The following LSM14B variants were observed in gnomAD, a reference collection of about 807,000 sequenced individuals.
LSM14B encodes the protein LSM family member 14B.
A neutral mutation model predicts 42.1 loss-of-function variants in LSM14B; 8 were observed. The observed-to-expected ratio is 0.19, with a 90% confidence interval of 0.11 to 0.34. LSM14B has a LOEUF of 0.34. LSM14B is among the 10% of genes least tolerant of loss of function. The pLI, the probability that LSM14B is intolerant of heterozygous loss-of-function variation, is 1.00. For missense variants in LSM14B, 396 were observed against 513.1 expected, an observed-to-expected ratio of 0.77 and a Z score of 2.21; for synonymous variants, 219 against 209.7, an observed-to-expected ratio of 1.04 and a Z score of -0.38.
At chr20:62,124,531 C>G in intron 1 of LSM14B, 86 bp from the exon 2 acceptor site, 3 of 1,471,724 alleles carry the variant, frequency 2.0e-6, no homozygotes, top group Non-Finnish European at 2.8e-6. Flanking sequence ...GTGTCGCCGT[C>G]TTTTGGAAGG....
intron 3 of LSM14B, among the ~76,000 whole-genome samples, chr20:62,126,730 G>A (rs1358492115): frequency 6.6e-6 from 1 of 152,146 alleles, no homozygotes; most frequent in African/African-American, 2.4e-5. Flanking sequence ...CAGGCATAGT[G>A]GCTCACTCCT....
At chr20:62,124,907 C>T (rs1451882714) in intron 2 of LSM14B, 127 bp downstream of exon 2, 6 of 1,036,862 alleles carry the variant, frequency 5.8e-6, no homozygotes, top group South Asian at 3.6e-5. Context: ...TTTGAGGCAG[C>T]GTCTCGCTGT....
rs80174848 is a variant in LSM14B, at chr20:62,124,130, C to T, written c.128-487C>T. Among the ~76,000 whole-genome samples, 1,272 of 152,330 alleles carry T rather than the reference C, an allele frequency of 8.4e-3. 18 individuals are homozygous for T. The highest frequency in any genetic ancestry group is 0.028 in the African/African-American group (1,165 of 41,564). ...CTGGGACCCTGTCTCCCTTTGTTTT[C>T]TGTTACAGCTGTTCCAAGGTTTGTT... On this transcript the variant is annotated intron_variant, in intron 1 of 8. Coordinates refer to ENST00000279068, the MANE Select transcript of LSM14B (RefSeq NM_144703.3).
At chr20:62,127,631 C>T in intron 3 of LSM14B, 1 of 1,551,248 alleles carries the variant, frequency 6.4e-7, no homozygotes, top group Non-Finnish European at 8.7e-7. Flanking sequence ...CCAGCCCTAG[C>T]TCTTCTCCAT....
Position 62,130,287 on chromosome 20 carries a change from A to G in LSM14B, c.664A>G (p.Arg222Gly), listed in dbSNP as rs1017110064. ...VNDENRRPQRRRSGNRRTRNR... is the reference protein window; with the variant it reads ...VNDENRRPQRGRSGNRRTRNR... The stretch of plus-strand genomic sequence containing the variant: ...TGACGAGAACAGAAGACCTCAGAGG[A>G]GGCGATCAGGTAACACCTGTTGCCA... Residue 222 changes from arginine to glycine, a missense_variant, in exon 5 of 9, where the codon AGG becomes GGG. Arg to Gly is a moderately radical substitution (Grantham distance 125). Coordinates refer to ENST00000279068, the MANE Select transcript of LSM14B (RefSeq NM_144703.3). This position sits in a 1 kb window ranked among gnomAD's most constrained non-coding sequence, Gnocchi z 4.1. The G allele has an allele frequency of 3.8e-6, 6 of 1,595,252 alleles. No homozygotes were observed. The highest frequency in any genetic ancestry group is 5.1e-6 in the Non-Finnish European group (6 of 1,170,792).
At chr20:62,124,865 T>C (rs2056538775) in intron 2 of LSM14B, 85 bp downstream of exon 2, 3 of 1,334,518 alleles carry the variant, frequency 2.2e-6, no homozygotes, top group Non-Finnish European at 3.0e-6. Flanking sequence ...GTCAGAACGC[T>C]CAATGTGAGG....
Position 62,134,380 on chromosome 20 carries a change from T to G in LSM14B, c.*232T>G. 2.2e-6 allele frequency: 1 copy of G among 460,398 alleles called. No homozygotes were observed. The highest frequency in any genetic ancestry group is 1.6e-5 in the South Asian group (1 of 62,398). The allele number at this position is 460,398 out of a possible 1,614,324, so 28.5% of individuals were successfully genotyped here. A position where few individuals can be genotyped will look rare whatever the true frequency, so the allele number is the denominator to read the frequency against. On this transcript the variant is annotated 3_prime_UTR_variant, in exon 9 of 9. Coordinates refer to ENST00000279068, the MANE Select transcript of LSM14B (RefSeq NM_144703.3). ...GTAACCTCTTTGAGGTCTCTTTATC[T>G]GTGTTTCCTTTTTAGTTGCGCATAG...
chr20:62,134,654 GGGGCAGGGGTGGGTGGGTGGA>G lies in LSM14B; in HGVS notation c.*512_*532del. 1 of 175,476 alleles carries G rather than the reference GGGGCAGGGGTGGGTGGGTGGA, an allele frequency of 5.7e-6. No individual in the cohort carries two copies. Among genetic ancestry groups the G allele is most frequent in the South Asian group, 1.1e-4 (1 of 9,360 alleles). The allele number at this position is 175,476 out of a possible 1,614,324, so 10.9% of individuals were successfully genotyped here. On this transcript the variant is annotated 3_prime_UTR_variant, in exon 9 of 9. Coordinates refer to ENST00000279068, the MANE Select transcript of LSM14B (RefSeq NM_144703.3). ...GCAGGGCCAGCACAGGGTGGCGTGG[GGGGCAGGGGTGGGTGGGTGGA>G]GGGCACGGAAGGGGTTTTCCCATGG...
intron 3 of LSM14B, chr20:62,127,652 C>G (rs949221838): frequency 1.9e-6 from 3 of 1,551,120 alleles, no homozygotes; most frequent in East Asian, 2.4e-5. Context: ...CTCCACAGCC[C>G]GTTTCAGAGC....
At chr20:62,125,652 C>T (rs936641420) in intron 2 of LSM14B, among the ~76,000 whole-genome samples, 70 of 152,328 alleles carry the variant, frequency 4.6e-4, no homozygotes, top group African/African-American at 1.7e-3. Context: ...TTCACTAGCT[C>T]CTCTGGGGTT....
At chr20:62,128,877 T>C in intron 3 of LSM14B, 1 of 1,077,824 alleles carries the variant, frequency 9.3e-7, no homozygotes, top group Non-Finnish European at 1.3e-6. Context: ...ATGCCCAGTC[T>C]TCATGTGTAT....
In LSM14B at chr20:62,130,090, C is replaced by A; in HGVS notation, c.596-129C>A. On this transcript the variant is annotated intron_variant, in intron 4 of 8. Coordinates refer to ENST00000279068, the MANE Select transcript of LSM14B (RefSeq NM_144703.3). This position sits in a 1 kb window ranked among gnomAD's most constrained non-coding sequence, Gnocchi z 4.1. ...CCCCATGTGCTTTTGCAGGGCAGGCCTGTGCAGCAGCCTCCTGCGGTGCCG... is the reference window on the plus strand; with the variant it reads ...CCCCATGTGCTTTTGCAGGGCAGGCATGTGCAGCAGCCTCCTGCGGTGCCG... 7.0e-7 allele frequency: 1 copy of A among 1,437,248 alleles called. No individual in the cohort carries two copies. The highest frequency in any genetic ancestry group is 9.4e-7 in the Non-Finnish European group (1 of 1,061,712). 89.0% of individuals were successfully genotyped at this position (1,437,248 alleles called of 1,614,324 possible).
chr20:62,132,079 C>T (rs1568715943), intron 7 of LSM14B, among the ~76,000 whole-genome samples: 1 of 152,236 alleles, frequency 6.6e-6, no homozygotes, highest in Admixed American at 6.5e-5. Context: ...AGACATGCCG[C>T]GGGGCGTTGA....
chr20:62,128,697 A>G lies in LSM14B; in HGVS notation c.428-1088A>G, dbSNP rs938737334. Among the ~76,000 whole-genome samples the G allele has an allele frequency of 7.2e-5, 11 of 152,360 alleles. No individual in the cohort carries two copies. The South Asian group carries it at 2.3e-3, about 32-fold the overall frequency. ...GTCTCCCGGACATGCTGAGTGAGACAATCAGTGAGAAAGTGGCCCGGGTGC... is the reference window on the plus strand; with the variant it reads ...GTCTCCCGGACATGCTGAGTGAGACGATCAGTGAGAAAGTGGCCCGGGTGC... On this transcript the variant is annotated intron_variant, in intron 3 of 8. Transcript: ENST00000279068.
In LSM14B at chr20:62,134,245, CTT is replaced by C. The variant is rs1404386591; in HGVS notation, c.*99_*100del. The C allele has an allele frequency of 6.4e-6, 3 of 471,622 alleles. No individual in the cohort carries two copies. Among genetic ancestry groups the C allele is most frequent in the Non-Finnish European group, 8.8e-6 (2 of 227,190 alleles). The allele number at this position is 471,622 out of a possible 1,614,324, so 29.2% of individuals were successfully genotyped here. A position where few individuals can be genotyped will look rare whatever the true frequency, so the allele number is the denominator to read the frequency against. ...CTGCACTTACAGGGAGAGGTGGTCA[CTT>C]TGTTTACGGAGTTTGGAAGAGACCC... On this transcript the variant is annotated 3_prime_UTR_variant, in exon 9 of 9. Transcript: ENST00000279068.
In LSM14B at chr20:62,131,411, C is replaced by T. The variant is rs377477453; in HGVS notation, c.891C>T (p.Ala297=). 3.7e-6 allele frequency: 6 copies of T among 1,612,988 alleles called. No homozygotes were observed. The highest frequency in any genetic ancestry group is 4.5e-5 in the East Asian group (2 of 44,866). The change falls in exon 7 of 9, where the codon GCC becomes GCT. Residue 297 remains alanine (A), a synonymous_variant. Coordinates refer to ENST00000279068, the MANE Select transcript of LSM14B (RefSeq NM_144703.3). ...ACCTGGCTGTGGTGACCCAGAGTGC[C>T]GAAGCGCCCGCTGAGGAAGACCTTC... ...EKDLAVVTQS[A]EAPAEEDLLG... is the part of the protein sequence containing the mutation.
chr20:62,130,587 A>G lies in LSM14B; in HGVS notation c.731A>G (p.Glu244Gly). The G allele has an allele frequency of 5.0e-6, 8 of 1,614,000 alleles. No individual in the cohort carries two copies. The highest frequency in any genetic ancestry group is 6.8e-6 in the Non-Finnish European group (8 of 1,179,894). ...CAAAACCGTCCAACTAACGTTAAGGAAAACACAATCAAATTTGAGGGTGAC... is the reference window on the plus strand; with the variant it reads ...CAAAACCGTCCAACTAACGTTAAGGGAAACACAATCAAATTTGAGGGTGAC... ...RGQNRPTNVK[E>G]NTIKFEGDFD... is the part of the protein sequence containing the mutation. The change falls in exon 6 of 9, where the codon GAA becomes GGA. Residue 244 changes from glutamate to glycine, a missense_variant. Physicochemically the swap from Glu to Gly is moderately conservative, Grantham distance 98 (BLOSUM62 -2). Coordinates refer to ENST00000279068, the MANE Select transcript of LSM14B (RefSeq NM_144703.3). This position sits in a 1 kb window ranked among gnomAD's most constrained non-coding sequence, Gnocchi z 4.1.
At chr20:62,125,646 C>T (rs1020496089) in intron 2 of LSM14B, among the ~76,000 whole-genome samples, 2 of 152,264 alleles carry the variant, frequency 1.3e-5, no homozygotes, top group African/African-American at 4.8e-5. Flanking sequence ...TAAATATTCA[C>T]TAGCTCCTCT....
At chr20:62,126,518 G>C (rs1342560818) in intron 3 of LSM14B, 79 bp downstream of exon 3, 1 of 1,535,796 alleles carries the variant, frequency 6.5e-7, no homozygotes, top group East Asian at 2.3e-5. Context: ...CTGAGGGTGG[G>C]GATATGCATT....
Sources: gnomAD v4.1 joint callset for allele counts (sites outside exome capture counted in the v4.1 genomes callset) on GRCh38, gnomAD v4.1.1 for gene constraint, Gnocchi (gnomAD v3.1) non-coding constraint, MANE v1.5 for transcripts, NCBI Gene and HGNC (gene_info 2026-07-23, HGNC 2026-07-21) for gene names.